The following BTG4 variants were observed in gnomAD, a reference collection of about 807,000 sequenced individuals.
BTG4 encodes BTG anti-proliferation factor 4.
BTG4 carries 10 observed loss-of-function variants against 19.3 expected under a neutral mutation model. That is an observed-to-expected ratio of 0.52 (90% CI 0.32 to 0.88). BTG4 has a LOEUF of 0.88. Among genes scored for constraint, BTG4 ranks in the 40% least tolerant of loss-of-function variants. BTG4 has a pLI of 0.04. For synonymous variants in BTG4, 91 were observed against 95.7 expected (o/e 0.95, Z 0.29); for missense variants, 238 against 281.9 (o/e 0.84, Z 1.11).
chr11:111,421,478 C>T, the BTG4 span, among the ~76,000 whole-genome samples: 1 of 152,146 alleles, frequency 6.6e-6, no homozygotes, highest in Non-Finnish European at 1.5e-5. Flanking sequence ...GTGTGTTTCC[C>T]GAAGGGCAGG....
intron 5 of BTG4, among the ~76,000 whole-genome samples, chr11:111,472,370 G>A (rs975310084): frequency 6.6e-6 from 1 of 152,178 alleles, no homozygotes; most frequent in Non-Finnish European, 1.5e-5. Context: ...TCTCACCCAG[G>A]AGGAATTTTT....
the BTG4 span, among the ~76,000 whole-genome samples, chr11:111,421,953 T>C: frequency 1.3e-5 from 2 of 151,436 alleles, no homozygotes; most frequent in Non-Finnish European, 2.9e-5. Context: ...CACAGCAATT[T>C]TTCGTGATAC....
At position 111,486,146 on chromosome 11, in the gene BTG4, T is replaced by C. The variant is rs193026924; in HGVS notation, c.662+9017A>G. ...AGGACCTAAAGGCTTCACTGCTGAA[T>C]TCTACCAAACATTTAAAGAACTATG... On this transcript the variant is annotated intron_variant, in intron 5 of 5. Coordinates refer to the BTG4 transcript ENST00000356018. Among the ~76,000 whole-genome samples the C allele has an allele frequency of 1.8e-3, 269 of 152,308 alleles. 1 individual carries two copies. Among genetic ancestry groups the C allele is most frequent in the African/African-American group, 6.1e-3 (255 of 41,570 alleles).
downstream of BTG4, among the ~76,000 whole-genome samples, chr11:111,491,456 A>G (rs1488620844): frequency 2.0e-5 from 3 of 152,160 alleles, no homozygotes; most frequent in Non-Finnish European, 4.4e-5. Flanking sequence ...AAATTTTTTT[A>G]AAAAGAGAAG....
At chr11:111,478,039 C>T (rs1040006819) in intron 5 of BTG4, among the ~76,000 whole-genome samples, 4 of 152,042 alleles carry the variant, frequency 2.6e-5, no homozygotes, top group African/African-American at 9.7e-5. Context: ...CTCATGGTAT[C>T]AGTAGAAACC....
chr11:111,459,316 G>C, the BTG4 span, among the ~76,000 whole-genome samples: 5 of 152,122 alleles, frequency 3.3e-5, no homozygotes, highest in African/African-American at 1.2e-4. Context: ...AGAGTCCTGA[G>C]TTCAGATTCT....
chr11:111,454,831 TTGGGGGTTGGGGGG>T, the BTG4 span: 2 of 342,318 alleles, frequency 5.8e-6, no homozygotes, highest in African/African-American at 4.9e-5. Context: ...GGGTTGGGGG[TTGGGGGTTGGGGGG>T]TGGGGTTCTG....
chr11:111,495,892 T>C (rs1202542126), intron 4 of BTG4, among the ~76,000 whole-genome samples: 2 of 152,214 alleles, frequency 1.3e-5, no homozygotes, highest in African/African-American at 2.4e-5. Flanking sequence ...TTGAATAACA[T>C]AGTTTGGTTA....
chr11:111,504,251 C>T (rs1333537057), intron 1 of BTG4, among the ~76,000 whole-genome samples: 2 of 152,092 alleles, frequency 1.3e-5, no homozygotes, highest in African/African-American at 4.8e-5. Context: ...CTGTAACCCA[C>T]ACATAAACTC....
intron 5 of BTG4, among the ~76,000 whole-genome samples, chr11:111,472,458 A>G (rs2055995849): frequency 6.6e-6 from 1 of 152,130 alleles, no homozygotes; most frequent in African/African-American, 2.4e-5. Flanking sequence ...GCCACTGACA[A>G]CTAGTGGGTA....
intron 1 of BTG4, among the ~76,000 whole-genome samples, chr11:111,509,911 C>CTTTTTTTTTTTTT (rs1450409427): frequency 2.4e-4 from 28 of 114,716 alleles, no homozygotes; most frequent in African/African-American, 2.8e-4. Flanking sequence ...TTTCTTTTTT[C>CTTTTTTTTTTTTT]TTTTTTTTTT....
intron 5 of BTG4, among the ~76,000 whole-genome samples, chr11:111,478,699 T>C (rs1864545347): frequency 6.6e-6 from 1 of 151,760 alleles, no homozygotes; most frequent in South Asian, 2.1e-4. Flanking sequence ...GTTTTAGAAA[T>C]GAAAAATGTA....
At chr11:111,473,647 G>A (rs1864214492) in intron 5 of BTG4, among the ~76,000 whole-genome samples, 1 of 152,142 alleles carries the variant, frequency 6.6e-6, no homozygotes, top group South Asian at 2.1e-4. Flanking sequence ...AGAGCATAGA[G>A]CATTGGTCAT....
intron 5 of BTG4, among the ~76,000 whole-genome samples, chr11:111,481,032 C>T (rs1416479481): frequency 3.3e-5 from 5 of 151,386 alleles, no homozygotes; most frequent in Non-Finnish European, 7.4e-5. Flanking sequence ...AATTGACAAC[C>T]CTCTAGAATT....
At chr11:111,413,047 C>T in the BTG4 span, among the ~76,000 whole-genome samples, 1 of 152,094 alleles carries the variant, frequency 6.6e-6, no homozygotes, top group African/African-American at 2.4e-5. Flanking sequence ...GAGAGAAGTG[C>T]AGAGTCAGAG....
chr11:111,507,038 T>C (rs1452713065), intron 1 of BTG4, among the ~76,000 whole-genome samples: 1 of 151,864 alleles, frequency 6.6e-6, no homozygotes, highest in Non-Finnish European at 1.5e-5. Flanking sequence ...ATGAGGATTA[T>C]GTAAATTTTT....
chr11:111,401,220 C>T, the BTG4 span, among the ~76,000 whole-genome samples: 2 of 152,098 alleles, frequency 1.3e-5, no homozygotes, highest in Admixed American at 6.5e-5. Flanking sequence ...GGCGCAGTGG[C>T]TCACGCCTGT....
At chr11:111,424,837 A>G in the BTG4 span, among the ~76,000 whole-genome samples, 1 of 152,166 alleles carries the variant, frequency 6.6e-6, no homozygotes, top group African/African-American at 2.4e-5. Flanking sequence ...AGGTGCCTGT[A>G]ATCCCAGCTT....
At chr11:111,497,005 A>C (rs1591515292) in intron 4 of BTG4, 2 of 434,820 alleles carry the variant, frequency 4.6e-6, no homozygotes, top group African/African-American at 2.0e-5. Flanking sequence ...GATTATGTGG[A>C]TCCTAAAAGC....
Sources: gnomAD v4.1 joint callset for allele counts (sites outside exome capture counted in the v4.1 genomes callset) on GRCh38, gnomAD v4.1.1 for gene constraint, MANE v1.5 for transcripts, NCBI Gene and HGNC (gene_info 2026-07-23, HGNC 2026-07-21) for gene names.